Variants in DTNB observed in about 807,000 individuals in gnomAD.
The protein encoded by DTNB is DTN-B.
DTNB carries 63 observed loss-of-function variants against 90.7 expected under a neutral mutation model. The observed-to-expected ratio is 0.69, with a 90% CI of 0.57 to 0.86. The LOEUF (loss-of-function observed/expected upper bound fraction) is 0.86. Among genes scored for constraint, DTNB ranks in the 40% least tolerant of loss-of-function variants. The probability of loss-of-function intolerance (pLI) is 0.00; values close to 1 mark genes in which losing one functional copy is unlikely to be tolerated. For synonymous variants in DTNB, 277 were observed against 286.7 expected, an observed-to-expected ratio of 0.97 and a Z score of 0.34; for missense variants, 744 against 807.1, an observed-to-expected ratio of 0.92 and a Z score of 0.95.
chr2:25,637,600 A>G (rs2148820106), intron 3 of DTNB, among the ~76,000 whole-genome samples: 1 of 152,388 alleles, frequency 6.6e-6, no homozygotes, highest in Admixed American at 6.5e-5. Flanking sequence ...CAACAGACAC[A>G]TGAAAAAATG....
chr2:25,430,562 C>T (rs2053529595), intron 14 of DTNB, among the ~76,000 whole-genome samples: 1 of 151,684 alleles, frequency 6.6e-6, no homozygotes, highest in African/African-American at 2.4e-5. Context: ...TGGGACTATC[C>T]CCACCATATT....
At chr2:25,502,264 C>G (rs556568953) in intron 9 of DTNB, among the ~76,000 whole-genome samples, 1 of 151,964 alleles carries the variant, frequency 6.6e-6, no homozygotes, top group African/African-American at 2.4e-5. Context: ...ATGAGACATT[C>G]GACAAAAAGG....
intron 4 of DTNB, among the ~76,000 whole-genome samples, chr2:25,609,657 T>TATAC (rs1427269065): frequency 4.0e-4 from 51 of 127,076 alleles, no homozygotes; most frequent in East Asian, 1.7e-3. Context: ...TAATAGAATG[T>TATAC]ACACACACAC....
chr2:25,588,690 T>C (rs554828227), intron 6 of DTNB, among the ~76,000 whole-genome samples: 2 of 152,160 alleles, frequency 1.3e-5, no homozygotes, highest in East Asian at 3.9e-4. Flanking sequence ...TGACAACACA[T>C]GTAGTGCCAA....
intron 10 of DTNB, among the ~76,000 whole-genome samples, chr2:25,473,801 C>T (rs926992858): frequency 1.3e-5 from 2 of 152,188 alleles, no homozygotes; most frequent in African/African-American, 2.4e-5. Context: ...CACTTTTCCT[C>T]GCCCCACCCA....
intron 7 of DTNB, 122 bp downstream of exon 7, chr2:25,580,599 G>T: frequency 3.2e-6 from 3 of 948,046 alleles, no homozygotes; most frequent in East Asian, 2.9e-5. Context: ...AAAATGAAAT[G>T]ACAGAATGAC....
intron 8 of DTNB, among the ~76,000 whole-genome samples, chr2:25,572,066 G>A (rs1299304051): frequency 2.0e-5 from 3 of 152,134 alleles, no homozygotes; most frequent in African/African-American, 7.2e-5. Context: ...CAGAACACGT[G>A]CAGTCCAATT....
chr2:25,496,842 CAAAAAA>C lies in DTNB; in HGVS notation c.1002-13975_1002-13970del, dbSNP rs34608606. Among the ~76,000 whole-genome samples, 3 of 106,200 alleles carry C rather than the reference CAAAAAA, an allele frequency of 2.8e-5. No individual in the cohort carries two copies. The Admixed American group carries it at 3.0e-4, about 11-fold the overall frequency. The allele number at this position is 106,200 out of a possible 152,430, so 69.7% of individuals were successfully genotyped here. ...TGGGTGACAGAGTGAGACTCTGTTT[CAAAAAA>C]AAAAAAAAAAAGATAATAGTGGGCT... On this transcript the variant is annotated intron_variant, in intron 9 of 20. Transcript: ENST00000406818.
chr2:25,487,337 T>C lies in DTNB; in HGVS notation c.1002-4464A>G, dbSNP rs550469275. On this transcript the variant is annotated intron_variant, in intron 9 of 20. Transcript: ENST00000406818. ...AAAAGTAAAACTTGAATTCACCATA[T>C]GCTGAGTAATACACTGAATCCTTGC... 2.5e-4 allele frequency among the ~76,000 whole-genome samples: 38 copies of C among 152,362 alleles called. 1 individual carries two copies. Among genetic ancestry groups the C allele is most frequent in the African/African-American group, 9.1e-4 (38 of 41,578 alleles).
At chr2:25,658,866 C>A (rs1192934263) in intron 1 of DTNB, among the ~76,000 whole-genome samples, 3 of 152,154 alleles carry the variant, frequency 2.0e-5, no homozygotes. Context: ...ATGTGTTTGT[C>A]AACACCGACA....
In DTNB at chr2:25,576,227, T is replaced by G. The variant is rs939699022; in HGVS notation, c.876+611A>C. On this transcript the variant is annotated intron_variant, in intron 8 of 20. Coordinates refer to ENST00000406818, the MANE Select transcript of DTNB (RefSeq NM_021907.5). ...AATCCCCTTGAACAGTTTTGTTTTT[T>G]TTTTTTTTTTTTTTTTGAGACAGAG... Among the ~76,000 whole-genome samples, 110 of 144,440 alleles carry G rather than the reference T, an allele frequency of 7.6e-4. 3 individuals are homozygous for G. The South Asian group carries it at 0.018, about 24-fold the overall frequency. The allele number at this position is 144,440 out of a possible 152,430, so 94.8% of individuals were successfully genotyped here.
intron 8 of DTNB, among the ~76,000 whole-genome samples, chr2:25,542,067 T>C (rs963225231): frequency 6.6e-6 from 1 of 152,212 alleles, no homozygotes; most frequent in South Asian, 2.1e-4. Flanking sequence ...CATGGATTAC[T>C]AAGGTTTTTG....
intron 16 of DTNB, among the ~76,000 whole-genome samples, chr2:25,404,347 A>C (rs1423436716): frequency 1.3e-5 from 2 of 152,116 alleles, no homozygotes; most frequent in African/African-American, 2.4e-5. Flanking sequence ...CGACGGGTAC[A>C]ACTGCAATGG....
intron 10 of DTNB, among the ~76,000 whole-genome samples, chr2:25,470,891 T>TAA (rs147721195): frequency 6.7e-6 from 1 of 150,000 alleles, no homozygotes; most frequent in African/African-American, 2.4e-5. Flanking sequence ...CCTCTGTCAC[T>TAA]AAAAAAAAAT....
rs181578804 is a variant in DTNB, at chr2:25,395,075, C to G, written c.1576-6714G>C. Among the ~76,000 whole-genome samples, 290 of 152,308 alleles carry G rather than the reference C, an allele frequency of 1.9e-3. 1 individual carries two copies. Among genetic ancestry groups the G allele is most frequent in the Non-Finnish European group, 2.7e-3 (184 of 68,022 alleles). On this transcript the variant is annotated intron_variant, in intron 16 of 20. Coordinates refer to ENST00000406818, the MANE Select transcript of DTNB (RefSeq NM_021907.5). ...TAAAAAAGAATGAAATAATGGCATT[C>G]ACAGCCACCTGGATGGAATTGGAGA...
At chr2:25,609,053 G>A (rs1294315718) in intron 4 of DTNB, among the ~76,000 whole-genome samples, 1 of 152,150 alleles carries the variant, frequency 6.6e-6, no homozygotes, top group Non-Finnish European at 1.5e-5. Flanking sequence ...CAAGGTCTGT[G>A]GCCAGAGAGG....
chr2:25,526,594 C>T (rs990125894), intron 9 of DTNB, among the ~76,000 whole-genome samples: 2 of 151,638 alleles, frequency 1.3e-5, no homozygotes, highest in Non-Finnish European at 2.9e-5. Flanking sequence ...CAGGATTTCA[C>T]CATGTTGGTC....
chr2:25,420,512 ATCTATCTATCTG>A (rs2049277710), intron 15 of DTNB, among the ~76,000 whole-genome samples: 3 of 103,078 alleles, frequency 2.9e-5, no homozygotes, highest in East Asian at 2.0e-4. Context: ...CTATCTATCT[ATCTATCTATCTG>A]TCTGTCTATC....
At chr2:25,496,204 G>A (rs2068799580) in intron 9 of DTNB, among the ~76,000 whole-genome samples, 1 of 152,204 alleles carries the variant, frequency 6.6e-6, no homozygotes. Flanking sequence ...AAGCAGTCGA[G>A]AGTCTTATAA....
Sources: gnomAD v4.1 joint callset for allele counts (sites outside exome capture counted in the v4.1 genomes callset) on GRCh38, gnomAD v4.1.1 for gene constraint, MANE v1.5 for transcripts, NCBI Gene and HGNC (gene_info 2026-07-23, HGNC 2026-07-21) for gene names.